KIAA1549L: variants seen among roughly 807,000 people sequenced by gnomAD.
KIAA1549L encodes UPF0606 protein KIAA1549L.
In KIAA1549L, 88 loss-of-function variants were observed where a neutral mutation model predicts 160.7. The observed-to-expected ratio is 0.55, with a 90% CI of 0.46 to 0.65. The LOEUF (loss-of-function observed/expected upper bound fraction) is 0.65. KIAA1549L is among the 30% of genes least tolerant of loss of function. KIAA1549L has a pLI of 0.00. For synonymous variants in KIAA1549L, 950 were observed against 976.7 expected, an observed-to-expected ratio of 0.97 and a Z score of 0.51; for missense variants, 2,258 against 2,437.5, an observed-to-expected ratio of 0.93 and a Z score of 1.55.
At chr11:33,658,626 C>A in intron 18 of KIAA1549L, 124 bp from the exon 19 acceptor site, 1 of 930,298 alleles carries the variant, frequency 1.1e-6, no homozygotes, top group South Asian at 1.6e-5. Context: ...AAATCCAGTC[C>A]TGGGGACCTC....
chr11:33,420,762 C>T (rs1024794842), intron 1 of KIAA1549L, among the ~76,000 whole-genome samples: 5 of 152,146 alleles, frequency 3.3e-5, no homozygotes, highest in African/African-American at 9.7e-5. Context: ...TTAGCATAAA[C>T]GTTTCATAAC....
intron 1 of KIAA1549L, among the ~76,000 whole-genome samples, chr11:33,459,363 C>T (rs951026003): frequency 1.1e-4 from 17 of 152,032 alleles, no homozygotes; most frequent in African/African-American, 3.1e-4. Context: ...CAGTTCGTGT[C>T]GCTACTTTGG....
intron 1 of KIAA1549L, among the ~76,000 whole-genome samples, chr11:33,518,940 A>G (rs566811015): frequency 6.6e-6 from 1 of 152,332 alleles, no homozygotes; most frequent in South Asian, 2.1e-4. Flanking sequence ...CATTGAGCAT[A>G]TCCTATGAGT....
intron 1 of KIAA1549L, among the ~76,000 whole-genome samples, chr11:33,427,849 C>T (rs1245023281): frequency 6.6e-6 from 1 of 152,154 alleles, no homozygotes; most frequent in Non-Finnish European, 1.5e-5. Flanking sequence ...TTTACTTGTT[C>T]TGTATATTTT....
chr11:33,501,342 G>T (rs1852943858), intron 1 of KIAA1549L, among the ~76,000 whole-genome samples: 1 of 152,140 alleles, frequency 6.6e-6, no homozygotes, highest in African/African-American at 2.4e-5. Flanking sequence ...CAAAAAATTG[G>T]GAATTAAGCA....
At chr11:33,498,308 G>A (rs988337641) in intron 1 of KIAA1549L, among the ~76,000 whole-genome samples, 1 of 152,062 alleles carries the variant, frequency 6.6e-6, no homozygotes, top group Non-Finnish European at 1.5e-5. Flanking sequence ...ACCTGAACCC[G>A]ATGGCTGCAC....
intron 20 of KIAA1549L, among the ~76,000 whole-genome samples, chr11:33,666,716 A>G (rs188685539): frequency 6.6e-6 from 1 of 152,344 alleles, no homozygotes; most frequent in African/African-American, 2.4e-5. Flanking sequence ...TTTGATGAAG[A>G]GAGAAAAATG....
intron 6 of KIAA1549L, among the ~76,000 whole-genome samples, chr11:33,553,516 A>G (rs372864294): frequency 6.6e-5 from 10 of 152,352 alleles, no homozygotes; most frequent in Non-Finnish European, 1.3e-4. Context: ...TGTAGAAAGC[A>G]TACAATTTAA....
In KIAA1549L at chr11:33,435,844, G is replaced by GTA. The variant is rs1213736288; in HGVS notation, c.238+58956_238+58957insAT. ...TATATATATATATGTATATGTATAT[G>GTA]TGTGTGTGTGTGTGTGTGTATAAAA... On this transcript the variant is annotated intron_variant, in intron 1 of 20. Transcript: ENST00000658780. Among the ~76,000 whole-genome samples, 73 of 23,518 alleles carry GTA rather than the reference G, an allele frequency of 3.1e-3. 8 individuals are homozygous for GTA. The highest frequency in any genetic ancestry group is 5.9e-3 in the African/African-American group (50 of 8,496). The allele number at this position is 23,518 out of a possible 152,430, so 15.4% of individuals were successfully genotyped here.
chr11:33,558,770 A>G (rs1001985340), intron 6 of KIAA1549L, among the ~76,000 whole-genome samples: 1 of 152,234 alleles, frequency 6.6e-6, no homozygotes, highest in Non-Finnish European at 1.5e-5. Flanking sequence ...TGTTGAATTA[A>G]TAGACCACAA....
chr11:33,477,632 C>G (rs1565152417), intron 1 of KIAA1549L, among the ~76,000 whole-genome samples: 1 of 152,198 alleles, frequency 6.6e-6, no homozygotes, highest in East Asian at 1.9e-4. Flanking sequence ...TTGGGAATCA[C>G]TGGGTGCTGG....
chr11:33,441,209 T>C (rs1430690527), intron 1 of KIAA1549L, among the ~76,000 whole-genome samples: 1 of 152,046 alleles, frequency 6.6e-6, no homozygotes, highest in African/African-American at 2.4e-5. Context: ...CTGAGAATGA[T>C]GGTTTCCAGC....
chr11:33,658,182 C>G (rs189386976), intron 18 of KIAA1549L, among the ~76,000 whole-genome samples: 2 of 152,080 alleles, frequency 1.3e-5, no homozygotes, highest in Non-Finnish European at 2.9e-5. Context: ...TCTGATTGCC[C>G]GGGGAACAAA....
chr11:33,551,217 C>G lies in KIAA1549L; in HGVS notation c.3679C>G (p.Pro1227Ala), dbSNP rs1590335423. The change falls in exon 5 of 21, where the codon CCA becomes GCA. Residue 1227 changes from proline to alanine, a missense_variant. This residue lies in a region of KIAA1549L where 1,359 missense variants were observed against 1,546.6 expected (regional missense o/e 0.88). Coordinates refer to ENST00000658780, the MANE Select transcript of KIAA1549L (RefSeq NM_012194.3). The stretch of plus-strand genomic sequence containing the variant: ...ACAGTCTGTGGCAGTACTTGCCTCC[C>G]CATGGAATCCCCAGCCTGCAGGCTA... ...HLQSVAVLAS[P>A]WNPQPAGYFQ... 6.2e-7 allele frequency: 1 copy of G among 1,613,678 alleles called. No homozygotes were observed. The highest frequency in any genetic ancestry group is 1.3e-5 in the African/African-American group (1 of 75,026).
At chr11:33,488,214 T>C (rs1053136653) in intron 1 of KIAA1549L, among the ~76,000 whole-genome samples, 1 of 152,188 alleles carries the variant, frequency 6.6e-6, no homozygotes, top group African/African-American at 2.4e-5. Flanking sequence ...TCAAAGGCAG[T>C]GTTAAGAAAA....
At chr11:33,540,501 G>A (rs529606204) in intron 1 of KIAA1549L, among the ~76,000 whole-genome samples, 55 of 152,300 alleles carry the variant, frequency 3.6e-4, no homozygotes, top group African/African-American at 1.3e-3. Context: ...TAGGAGATAA[G>A]CAACATGAAC....
chr11:33,571,960 A>T (rs969031672), intron 9 of KIAA1549L, among the ~76,000 whole-genome samples: 7 of 152,134 alleles, frequency 4.6e-5, no homozygotes, highest in Non-Finnish European at 8.8e-5. Context: ...TTTCTTCAAC[A>T]TGCTGGTTTC....
intron 17 of KIAA1549L, among the ~76,000 whole-genome samples, chr11:33,647,177 G>A (rs1418210525): frequency 1.3e-5 from 2 of 152,148 alleles, no homozygotes; most frequent in African/African-American, 4.8e-5. Context: ...TTGAGCTCAA[G>A]AGTTCGAGAC....
At chr11:33,526,086 C>G (rs1481359934) in intron 1 of KIAA1549L, among the ~76,000 whole-genome samples, 1 of 152,040 alleles carries the variant, frequency 6.6e-6, no homozygotes, top group Non-Finnish European at 1.5e-5. Context: ...AGCTCTATGG[C>G]CCCACCTATT....
Sources: gnomAD v4.1 joint callset for allele counts (sites outside exome capture counted in the v4.1 genomes callset) on GRCh38, gnomAD v4.1.1 for gene constraint, gnomAD v4.1.1 regional missense constraint, MANE v1.5 for transcripts, NCBI Gene and HGNC (gene_info 2026-07-23, HGNC 2026-07-21) for gene names.